The following ADAMTS10 variants were observed in gnomAD, a reference collection of about 807,000 sequenced individuals.
ADAMTS10 encodes A disintegrin and metalloproteinase with thrombospondin motifs 10.
Under a neutral mutation model 135.9 loss-of-function variants are expected in ADAMTS10, and 48 were observed. The ratio of observed to expected loss-of-function variants is 0.35; its 90% CI spans 0.28 to 0.45. The LOEUF (loss-of-function observed/expected upper bound fraction) is 0.45, where lower values mean the gene tolerates loss of function less well. Among genes scored for constraint, ADAMTS10 ranks in the 20% least tolerant of loss-of-function variants. The probability of loss-of-function intolerance (pLI) is 1.00; values close to 1 mark genes in which losing one functional copy is unlikely to be tolerated. For synonymous variants in ADAMTS10, 621 were observed against 647.5 expected (o/e 0.96, Z 0.62); for missense variants, 1,131 against 1,565.2 (o/e 0.72, Z 4.68).
rs1555740205 is a variant in ADAMTS10, at chr19:8,596,361, T to C, written c.1136A>G (p.Asn379Ser). Residue 379 changes from asparagine (N) to serine (S), a missense_variant, in exon 10 of 26, where the codon AAT (asparagine) becomes AGT (serine). Asn to Ser is a conservative substitution (Grantham distance 46). Around this residue, in one of 3 missense-constraint regions of ADAMTS10, gnomAD observed 745 missense variants for 1,056.3 expected, o/e 0.71. Transcript: ENST00000597188. The surrounding 1 kb of genome is among the most constrained non-coding windows in gnomAD (Gnocchi z 7.2). ...CGCTGTGGCCAGGCCAATGTCCTCA[T>C]TGACGCTGCAGCTTCTCTCGCGCTC... ...MCERERSCSVNEDIGLATAFT... is the reference protein window; with the variant it reads ...MCERERSCSVSEDIGLATAFT... The C allele has an allele frequency of 3.1e-6, 5 of 1,613,114 alleles. No individual in the cohort carries two copies. The highest frequency in any genetic ancestry group is 2.2e-5 in the East Asian group (1 of 44,890).
rs1189405646 is a variant in ADAMTS10 at position 8,606,469 on chromosome 19, G to A, written c.-99-660C>T. The stretch of plus-strand genomic sequence containing the variant: ...CAGGCTGGAGTGCAATGGCGCAATC[G>A]CGGCTCACTGCAACCCCCGCCTCCC... On this transcript the variant is annotated intron_variant, in intron 2 of 25. Transcript: ENST00000597188. Among the ~76,000 whole-genome samples the A allele has an allele frequency of 4.6e-5, 7 of 152,168 alleles. No homozygotes were observed. The East Asian group carries it at 1.2e-3, about 25-fold the overall frequency.
At position 8,587,930 on chromosome 19, in the gene ADAMTS10, C is replaced by CAA. The variant is rs34536913; in HGVS notation, c.2159-1036_2159-1035dup. ...TGTGTGACAGAGCGAGACCCCATCT[C>CAA]AAAAAAAAAAAAAAAAAAAAGAATT... On this transcript the variant is annotated intron_variant, in intron 18 of 25. Transcript: ENST00000597188. Among the ~76,000 whole-genome samples the CAA allele has an allele frequency of 4.0e-3, 364 of 90,668 alleles. 5 individuals carry two copies. In the East Asian group the frequency reaches 0.069, roughly 17 times the overall value. The allele number at this position is 90,668 out of a possible 152,430, so 59.5% of individuals were successfully genotyped here. A position where few individuals can be genotyped will look rare whatever the true frequency, so the allele number is the denominator to read the frequency against.
Position 8,596,263 on chromosome 19 carries a change from C to T in ADAMTS10, c.1190+44G>A, listed in dbSNP as rs201384912. The T allele has an allele frequency of 2.5e-6, 4 of 1,612,852 alleles. No homozygotes were observed. Among genetic ancestry groups the T allele is most frequent in the Non-Finnish European group, 3.4e-6 (4 of 1,180,024 alleles). On this transcript the variant is annotated intron_variant, in intron 10 of 25. Transcript: ENST00000597188. The surrounding 1 kb of genome is among the most constrained non-coding windows in gnomAD (Gnocchi z 7.2). ...GCTCTGCCGGGCGCTGAGGGACCCGCCCAGCTCCTCCCCTCCTCCCCCTCT... is the reference window on the plus strand; with the variant it reads ...GCTCTGCCGGGCGCTGAGGGACCCGTCCAGCTCCTCCCCTCCTCCCCCTCT...
chr19:8,598,361 G>A (rs2042627776), intron 6 of ADAMTS10, among the ~76,000 whole-genome samples: 1 of 151,744 alleles, frequency 6.6e-6, no homozygotes, highest in Non-Finnish European at 1.5e-5. Flanking sequence ...ATACATGTCT[G>A]AGTTCATTCC....
chr19:8,598,435 G>T (rs1555740719), intron 6 of ADAMTS10, among the ~76,000 whole-genome samples: 2 of 152,040 alleles, frequency 1.3e-5, no homozygotes, highest in Non-Finnish European at 2.9e-5. Flanking sequence ...AGGGCAGGAG[G>T]CTCTGGAGAC....
At chr19:8,592,317 T>G in intron 13 of ADAMTS10, 2 of 943,212 alleles carry the variant, frequency 2.1e-6, no homozygotes, top group Non-Finnish European at 1.5e-6. Flanking sequence ...GAGCACAGGG[T>G]GCTTAACGGG....
chr19:8,605,753 G>T lies in ADAMTS10; in HGVS notation c.-43C>A, dbSNP rs2042715526. 1.3e-6 allele frequency: 2 copies of T among 1,566,588 alleles called. No homozygotes were observed. The highest frequency in any genetic ancestry group is 1.3e-5 in the African/African-American group (1 of 74,084). On this transcript the variant is annotated 5_prime_UTR_variant, in exon 3 of 26. Coordinates refer to ENST00000597188, the MANE Select transcript of ADAMTS10 (RefSeq NM_030957.4). The surrounding 1 kb of genome is among the most constrained non-coding windows in gnomAD (Gnocchi z 7.7). The stretch of plus-strand genomic sequence containing the variant: ...ATGTCTCTCCCCAGCCCCGGCTGCC[G>T]GCAGCCCCCACAGTGCCGCCTCCCC...
rs1435237819 is a variant in ADAMTS10, at chr19:8,591,738, C to T, written c.1797+62G>A. Reference sequence around the variant, plus strand: ...TACAGGCGTGAGCCACGGTGCCCGGCCTCTGATAGCTGTTTTTAATGCTTC... The same window carrying T: ...TACAGGCGTGAGCCACGGTGCCCGGTCTCTGATAGCTGTTTTTAATGCTTC... On this transcript the variant is annotated intron_variant, in intron 15 of 25. Transcript: ENST00000597188. The T allele has an allele frequency of 1.7e-5, 27 of 1,596,078 alleles. No homozygotes were observed. In the East Asian group the frequency reaches 6.0e-4, roughly 36 times the overall value.
chr19:8,592,999 C>T (rs1320505898), intron 12 of ADAMTS10, 129 bp from the exon 13 acceptor site: 1 of 846,646 alleles, frequency 1.2e-6, no homozygotes, highest in South Asian at 1.4e-5. Context: ...TGCTCCCTTC[C>T]TGGCTCGCGG....
intron 25 of ADAMTS10, among the ~76,000 whole-genome samples, chr19:8,582,027 T>TCAAA (rs5827004): frequency 0.37 from 55,071 of 149,668 alleles, 10,508 homozygotes; most frequent in Non-Finnish European, 0.44. Flanking sequence ...CGAGACCCTG[T>TCAAA]CAAACAAACA....
Position 8,605,039 on chromosome 19 carries a change from A to T in ADAMTS10, c.408T>A (p.His136Gln), listed in dbSNP as rs890373875. The T allele has an allele frequency of 6.2e-7, 1 of 1,609,804 alleles. No homozygotes were observed. The highest frequency in any genetic ancestry group is 8.5e-7 in the Non-Finnish European group (1 of 1,178,612). Residue 136 changes from histidine to glutamine, a missense_variant, in exon 4 of 26, where the codon CAT becomes CAA. His to Gln is a conservative substitution (Grantham distance 24, BLOSUM62 0). This residue lies in a region of ADAMTS10 where 306 missense variants were observed against 344.4 expected (regional missense o/e 0.89). Transcript: ENST00000597188. The surrounding 1 kb of genome is among the most constrained non-coding windows in gnomAD (Gnocchi z 7.7). ...GGCCTCCACAGGTGCTGATGGCCAC[A>T]TGGGAGCTGCTGGCCTGGCCCTGCA... ...GHLQGQASSS[H>Q]VAISTCGGLH...
chr19:8,584,154 C>CAAAAAAAAAAAAAAAAAAAAAAGAAAAAA (rs2042390957), intron 25 of ADAMTS10, among the ~76,000 whole-genome samples: 1 of 44,892 alleles, frequency 2.2e-5, no homozygotes, highest in Non-Finnish European at 4.2e-5. Context: ...GACTCCATCT[C>CAAAAAAAAAAAAAAAAAAAAAAGAAAAAA]AAAAAAAAAA....
intron 25 of ADAMTS10, 128 bp from the exon 26 acceptor site, chr19:8,581,130 C>CTTTCTTTTTTTTTTTTTTTTTT (rs2042341800): frequency 7.3e-6 from 1 of 136,670 alleles, no homozygotes; most frequent in Non-Finnish European, 1.2e-5. Context: ...TTTAAATTTA[C>CTTTCTTTTTTTTTTTTTTTTTT]TTTTTTTTTT....
chr19:8,604,405 T>A (rs2042697680), intron 4 of ADAMTS10, among the ~76,000 whole-genome samples: 1 of 149,360 alleles, frequency 6.7e-6, no homozygotes, highest in Non-Finnish European at 1.5e-5. Context: ...TGTGTATGTG[T>A]ATAGTATGTA....
At position 8,580,930 on chromosome 19, in the gene ADAMTS10, A is replaced by T; in HGVS notation, c.3275T>A (p.Phe1092Tyr). The change falls in exon 26 of 26, where the codon TTC becomes TAC. Residue 1092 changes from phenylalanine to tyrosine, a missense_variant. Physicochemically the swap from Phe to Tyr is conservative, Grantham distance 22 (BLOSUM62 3). Coordinates refer to ENST00000597188, the MANE Select transcript of ADAMTS10 (RefSeq NM_030957.4). ...LKFQFCSRAY[F>Y]RQMCCKTCHG... Reference sequence around the variant, plus strand: ...GCAGGTTTTGCAGCACATCTGGCGGAAGTAGGCTCGGCTGCAGAACTGAAA... The same window carrying T: ...GCAGGTTTTGCAGCACATCTGGCGGTAGTAGGCTCGGCTGCAGAACTGAAA... 6.2e-7 allele frequency: 1 copy of T among 1,613,108 alleles called. No homozygotes were observed. The highest frequency in any genetic ancestry group is 8.5e-7 in the Non-Finnish European group (1 of 1,179,698).
At position 8,605,464 on chromosome 19, in the gene ADAMTS10, G is replaced by A. The variant is rs1418914338; in HGVS notation, c.89-106C>T. The A allele has an allele frequency of 1.3e-5, 19 of 1,468,072 alleles. No individual in the cohort carries two copies. Among genetic ancestry groups the A allele is most frequent in the African/African-American group, 2.8e-5 (2 of 71,446 alleles). The allele number at this position is 1,468,072 out of a possible 1,614,324, so 90.9% of individuals were successfully genotyped here. A position where few individuals can be genotyped will look rare whatever the true frequency, so the allele number is the denominator to read the frequency against. ...AGTGATGCTGGCCTCACTGACCCCC[G>A]AAATCCAGGGAGTTGGCTGCAAGGC... is the stretch of plus-strand genomic sequence containing the variant. On this transcript the variant is annotated intron_variant, in intron 3 of 25. Coordinates refer to ENST00000597188, the MANE Select transcript of ADAMTS10 (RefSeq NM_030957.4). This position sits in a 1 kb window ranked among gnomAD's most constrained non-coding sequence, Gnocchi z 7.7.
intron 15 of ADAMTS10, 132 bp downstream of exon 15, chr19:8,591,668 C>G (rs1193143241): frequency 2.8e-6 from 3 of 1,068,064 alleles, no homozygotes; most frequent in Non-Finnish European, 4.2e-6. Flanking sequence ...TCTCGATCTC[C>G]TGACCTCGTG....
chr19:8,586,516 C>CGA (rs782050554), intron 20 of ADAMTS10, 42 bp downstream of exon 20: 4 of 1,613,104 alleles, frequency 2.5e-6, no homozygotes, highest in Non-Finnish European at 3.4e-6. Flanking sequence ...CATGGAGTCT[C>CGA]TAATTCCAAA....
At chr19:8,590,136 AGGCCTGGAAGGTAGCCTG>A in intron 15 of ADAMTS10, 145 bp from the exon 16 acceptor site, 3 of 659,582 alleles carry the variant, frequency 4.5e-6, no homozygotes, top group Admixed American at 2.2e-5. Context: ...GCGTGAGACT[AGGCCTGGAAGGTAGCCTG>A]GGCTGGGCGT....
Sources: allele counts gnomAD v4.1 joint callset (sites outside exome capture counted in the v4.1 genomes callset), GRCh38; gene constraint gnomAD v4.1.1; regional missense constraint gnomAD v4.1.1; non-coding constraint Gnocchi (gnomAD v3.1); transcripts MANE v1.5; gene names NCBI Gene and HGNC (gene_info 2026-07-23, HGNC 2026-07-21).